PDE1A: variants seen among roughly 807,000 people sequenced by gnomAD.
The protein encoded by PDE1A is phosphodiesterase 1A.
PDE1A carries 35 observed loss-of-function variants against 61.7 expected under a neutral mutation model. That is an observed-to-expected ratio of 0.57 (90% CI 0.43 to 0.75). The LOEUF (loss-of-function observed/expected upper bound fraction) is 0.75, where lower values mean the gene tolerates loss of function less well. Ranked by LOEUF, PDE1A falls within the 30% of genes least tolerant of loss-of-function variation. The pLI, the probability that PDE1A is intolerant of heterozygous loss-of-function variation, is 0.00. For synonymous variants in PDE1A, 232 were observed against 213.2 expected (o/e 1.09, Z -0.77); for missense variants, 597 against 630.6 (o/e 0.95, Z 0.57).
intron 2 of PDE1A, among the ~76,000 whole-genome samples, chr2:182,470,224 A>AT (rs1272090647): frequency 2.0e-5 from 3 of 151,890 alleles, no homozygotes. Context: ...GAATCATTTC[A>AT]GTAAATTTAG....
At chr2:182,543,635 T>C in the PDE1A span, among the ~76,000 whole-genome samples, 4 of 152,146 alleles carry the variant, frequency 2.6e-5, no homozygotes, top group African/African-American at 7.2e-5. Flanking sequence ...ATCAAAGACA[T>C]GTAATCTTTA....
chr2:182,371,782 C>T (rs1259914642), intron 1 of PDE1A, among the ~76,000 whole-genome samples: 2 of 151,820 alleles, frequency 1.3e-5, no homozygotes, highest in Non-Finnish European at 2.9e-5. Flanking sequence ...AATGAATTAA[C>T]ATTTATTTAT....
Position 182,477,277 on chromosome 2 carries a change from G to C in PDE1A, c.101+44999C>G, listed in dbSNP as rs151191140. On this transcript the variant is annotated intron_variant, in intron 2 of 14. Transcript: ENST00000410103. ...GGGTAAAAGAGAAAAATGTAGTCTG[G>C]TTAGCATGTCTTGGATTATAACTTT... is the stretch of plus-strand genomic sequence containing the variant. 6.5e-3 allele frequency among the ~76,000 whole-genome samples: 994 copies of C among 151,986 alleles called. 7 individuals are homozygous for C. Among genetic ancestry groups the C allele is most frequent in the Middle Eastern group, 0.014 (4 of 294 alleles).
intron 1 of PDE1A, among the ~76,000 whole-genome samples, chr2:182,359,055 T>C (rs1279631034): frequency 6.6e-6 from 1 of 152,008 alleles, no homozygotes; most frequent in African/African-American, 2.4e-5. Context: ...TTACAATACT[T>C]ACTATAATTC....
At position 182,378,740 on chromosome 2, in the gene PDE1A, T is replaced by C. The variant is rs915045417; in HGVS notation, c.53+47838A>G. Among the ~76,000 whole-genome samples, 3 of 152,212 alleles carry C rather than the reference T, an allele frequency of 2.0e-5. No individual in the cohort carries two copies. The East Asian group carries it at 5.8e-4, about 29-fold the overall frequency. On this transcript the variant is annotated intron_variant, in intron 1 of 13. Coordinates refer to ENST00000351439, the Ensembl canonical transcript of PDE1A. ...CAAATAAAATGCTACCATATATGAC[T>C]CATGTTATGCACTGTATTGTTCAAC...
At chr2:182,229,008 C>A (rs976734981) in intron 6 of PDE1A, among the ~76,000 whole-genome samples, 1 of 152,082 alleles carries the variant, frequency 6.6e-6, no homozygotes, top group African/African-American at 2.4e-5. Context: ...GAAGTTGGAA[C>A]GGCTTATTTG....
the PDE1A span, among the ~76,000 whole-genome samples, chr2:182,650,674 T>C: frequency 6.6e-6 from 1 of 152,228 alleles, no homozygotes; most frequent in Admixed American, 6.5e-5. Flanking sequence ...CATAAAGTAA[T>C]GTAGGGATAA....
At chr2:182,462,211 G>T (rs944769846) in intron 2 of PDE1A, among the ~76,000 whole-genome samples, 2 of 151,978 alleles carry the variant, frequency 1.3e-5, no homozygotes, top group Admixed American at 1.3e-4. Flanking sequence ...TGTAAATGAC[G>T]AGTTAATGGG....
the PDE1A span, among the ~76,000 whole-genome samples, chr2:182,571,499 T>A: frequency 6.6e-6 from 1 of 152,088 alleles, no homozygotes; most frequent in East Asian, 1.9e-4. Flanking sequence ...GCAAATGTCA[T>A]GAATTATAAG....
At chr2:182,255,379 C>A (rs993880368) in intron 2 of PDE1A, among the ~76,000 whole-genome samples, 1 of 152,184 alleles carries the variant, frequency 6.6e-6, no homozygotes, top group Non-Finnish European at 1.5e-5. Context: ...GCCAAAGGAG[C>A]ACACATGAGT....
At chr2:182,200,785 T>G (rs1686555233) in intron 10 of PDE1A, among the ~76,000 whole-genome samples, 1 of 152,170 alleles carries the variant, frequency 6.6e-6, no homozygotes, top group African/African-American at 2.4e-5. Context: ...GTAGAGCCAA[T>G]CTTGTGGAAG....
the PDE1A span, among the ~76,000 whole-genome samples, chr2:182,598,931 A>G: frequency 6.6e-6 from 1 of 152,020 alleles, no homozygotes; most frequent in African/African-American, 2.4e-5. Flanking sequence ...GGACTTCTGC[A>G]GGGAATTACT....
At chr2:182,223,999 G>C in intron 6 of PDE1A, 35 bp from the exon 7 acceptor site, 1 of 1,391,324 alleles carries the variant, frequency 7.2e-7, no homozygotes, top group South Asian at 1.2e-5. Flanking sequence ...TTATATTCAA[G>C]AAGTAGATAA....
upstream of PDE1A, among the ~76,000 whole-genome samples, chr2:182,431,830 A>G (rs1057081142): frequency 4.6e-5 from 7 of 152,066 alleles, no homozygotes; most frequent in Admixed American, 4.6e-4. Flanking sequence ...TCTATTGGGA[A>G]AAAGAAGAAA....
chr2:182,143,661 G>A (rs1487274086), downstream of PDE1A, among the ~76,000 whole-genome samples: 2 of 151,488 alleles, frequency 1.3e-5, no homozygotes, highest in African/African-American at 4.8e-5. Flanking sequence ...GACTACAGGC[G>A]CCCGCCACTA....
intron 2 of PDE1A, among the ~76,000 whole-genome samples, chr2:182,249,045 T>C (rs1261216154): frequency 2.0e-5 from 3 of 152,182 alleles, no homozygotes; most frequent in Non-Finnish European, 4.4e-5. Context: ...GACAGACAAG[T>C]TGGGTGAACT....
intron 7 of PDE1A, among the ~76,000 whole-genome samples, chr2:182,218,605 T>C (rs1483625375): frequency 6.6e-6 from 1 of 152,132 alleles, no homozygotes; most frequent in African/African-American, 2.4e-5. Flanking sequence ...TACTCTAGTA[T>C]AGATATTCTT....
chr2:182,158,004 G>T (rs1422517175), intron 13 of PDE1A, among the ~76,000 whole-genome samples: 2 of 152,122 alleles, frequency 1.3e-5, no homozygotes, highest in Non-Finnish European at 2.9e-5. Flanking sequence ...TCTTACAAAA[G>T]TCTTTCCACG....
intron 2 of PDE1A, among the ~76,000 whole-genome samples, chr2:182,466,500 G>C (rs552787286): frequency 3.9e-5 from 6 of 152,028 alleles, no homozygotes; most frequent in Non-Finnish European, 7.4e-5. Flanking sequence ...TCCTACAAAT[G>C]TGAAGGTATA....
Sources: allele counts gnomAD v4.1 joint callset (sites outside exome capture counted in the v4.1 genomes callset), GRCh38; gene constraint gnomAD v4.1.1; transcripts MANE v1.5; gene names NCBI Gene and HGNC (gene_info 2026-07-23, HGNC 2026-07-21).